The following TMEM160 variants were observed in gnomAD, a reference collection of about 807,000 sequenced individuals.
TMEM160 encodes transmembrane protein 160.
Under a neutral mutation model 13.9 loss-of-function variants are expected in TMEM160, and 10 were observed. That is an observed-to-expected ratio of 0.72 (90% confidence interval 0.45 to 1.22). The LOEUF is 1.22. TMEM160 is among the 50% of genes most tolerant of loss of function. TMEM160 has a pLI of 0.00. For missense variants in TMEM160, 287 were observed against 283.2 expected, an observed-to-expected ratio of 1.01 and a Z score of -0.10; for synonymous variants, 159 against 134.8, an observed-to-expected ratio of 1.18 and a Z score of -1.25.
intron 1 of TMEM160, chr19:47,047,880 C>G (rs768795472): frequency 7.1e-6 from 7 of 984,534 alleles, no homozygotes; most frequent in Non-Finnish European, 8.4e-6. Flanking sequence ...ACAAACATGG[C>G]CAGTCCGCTC....
chr19:47,045,942 C>G lies in TMEM160; in HGVS notation c.*45G>C. 3 of 1,494,432 alleles carry G rather than the reference C, an allele frequency of 2.0e-6. No homozygotes were observed. Among genetic ancestry groups the G allele is most frequent in the Admixed American group, 2.2e-5 (1 of 44,524 alleles). 92.6% of individuals were successfully genotyped at this position (1,494,432 alleles called of 1,614,324 possible). On this transcript the variant is annotated 3_prime_UTR_variant, in exon 3 of 3. Transcript: ENST00000253047. Reference sequence around the variant, plus strand: ...GGGAGGTCAGGTTTAATGTCCCAGTCCTCGGGCGCTGTCCAGCGCCTGCCA... The same window carrying G: ...GGGAGGTCAGGTTTAATGTCCCAGTGCTCGGGCGCTGTCCAGCGCCTGCCA...
rs1478411654 is a variant in TMEM160 at position 47,048,511 on chromosome 19, C to T, written c.104G>A (p.Gly35Glu). The T allele has an allele frequency of 3.4e-6, 5 of 1,465,968 alleles. No homozygotes were observed. The highest frequency in any genetic ancestry group is 1.3e-5 in the South Asian group (1 of 76,654). 90.8% of individuals were successfully genotyped at this position (1,465,968 alleles called of 1,614,324 possible). The change falls in exon 1 of 3, where the codon GGG (glycine) becomes GAG (glutamate). Residue 35 changes from glycine to glutamate, a missense_variant. Coordinates refer to ENST00000253047, the MANE Select transcript of TMEM160 (RefSeq NM_017854.2). ...PQRPRSGGARGSFAPGHGPRA... is the reference protein window; with the variant it reads ...PQRPRSGGARESFAPGHGPRA... ...GGGACCGTGGCCGGGGGCGAAGGAC[C>T]CCCGGGCGCCCCCGCTCCGGGGCCG...
chr19:47,046,572 A>G (rs2057081209), intron 2 of TMEM160, 21 bp downstream of exon 2: 2 of 1,596,404 alleles, frequency 1.3e-6, no homozygotes, highest in Admixed American at 3.3e-5. Context: ...CCGTGGGGCG[A>G]GAGGGGGGGT....
intron 2 of TMEM160, 97 bp from the exon 3 acceptor site, chr19:47,046,349 CAGGGGCT>C (rs2057079804): frequency 7.2e-7 from 1 of 1,393,964 alleles, no homozygotes; most frequent in Non-Finnish European, 9.5e-7. Context: ...AGGGCCGTGC[CAGGGGCT>C]AGCCTGCATC....
At chr19:47,046,336 G>A in intron 2 of TMEM160, 84 bp from the exon 3 acceptor site, 1 of 1,452,018 alleles carries the variant, frequency 6.9e-7, no homozygotes. Context: ...CAGGAACAGA[G>A]GCAGGGCCGT....
intron 1 of TMEM160, among the ~76,000 whole-genome samples, chr19:47,047,047 T>C (rs990004258): frequency 1.3e-5 from 2 of 152,050 alleles, no homozygotes; most frequent in Admixed American, 6.5e-5. Flanking sequence ...CTGTCTCTAC[T>C]AAAAATGTTA....
intron 1 of TMEM160, chr19:47,047,262 G>A (rs755772394): frequency 2.0e-6 from 2 of 985,234 alleles, no homozygotes; most frequent in Admixed American, 6.1e-5. Flanking sequence ...GGACAATCTA[G>A]GGGCAAAGTT....
Position 47,048,566 on chromosome 19 carries a change from G to A in TMEM160, c.49C>T (p.Arg17Cys), listed in dbSNP as rs774761970. ...GGCGGCAGTAGCGACCTCCGGAAGCGAAGACGGGCAAGGCGAGCGGCCCGA... is the reference window on the plus strand; with the variant it reads ...GGCGGCAGTAGCGACCTCCGGAAGCAAAGACGGGCAAGGCGAGCGGCCCGA... ...WARAARLARL[R>C]FRRSLLPPQR... Residue 17 changes from arginine (R) to cysteine (C), a missense_variant, in exon 1 of 3, where the codon CGC (arginine) becomes TGC (cysteine). Coordinates refer to ENST00000253047, the MANE Select transcript of TMEM160 (RefSeq NM_017854.2). The A allele has an allele frequency of 1.9e-5, 29 of 1,517,686 alleles. No homozygotes were observed. Among genetic ancestry groups the A allele is most frequent in the African/African-American group, 2.9e-5 (2 of 69,892 alleles). The allele number at this position is 1,517,686 out of a possible 1,614,324, so 94.0% of individuals were successfully genotyped here. A position where few individuals can be genotyped will look rare whatever the true frequency, so the allele number is the denominator to read the frequency against.
At chr19:47,047,908 C>T (rs1332051562) in intron 1 of TMEM160, 2 of 985,146 alleles carry the variant, frequency 2.0e-6, no homozygotes, top group East Asian at 2.3e-4. Context: ...GACCTCGCCT[C>T]CGTCACAAGC....
chr19:47,046,202 C>A lies in TMEM160; in HGVS notation c.352G>T (p.Ala118Ser). Residue 118 changes from alanine to serine, a missense_variant, in exon 3 of 3, where the codon GCC becomes TCC. Ala to Ser is a moderately conservative substitution (Grantham distance 99). Transcript: ENST00000253047. ...CCTCGCAGCGCCGCCAGGCCCACGG[C>A]GTACGAGGCGCTGCCCCACACCACG... ...LCVVWGSASYAVGLAALRGPM... is the reference protein window; with the variant it reads ...LCVVWGSASYSVGLAALRGPM... 6.5e-7 allele frequency: 1 copy of A among 1,529,396 alleles called. No homozygotes were observed. The highest frequency in any genetic ancestry group is 8.7e-7 in the Non-Finnish European group (1 of 1,144,568). 94.7% of individuals were successfully genotyped at this position (1,529,396 alleles called of 1,614,324 possible).
At chr19:47,047,657 C>G (rs1430534680) in intron 1 of TMEM160, 1 of 873,024 alleles carries the variant, frequency 1.1e-6, no homozygotes, top group Non-Finnish European at 1.4e-6. Context: ...TCAGACCAGC[C>G]TGGGCAACAA....
rs775546307 is a variant in TMEM160, at chr19:47,046,324, G to A, written c.302-72C>T. 1.5e-5 allele frequency: 22 copies of A among 1,477,728 alleles called. No homozygotes were observed. In the African/African-American group the frequency reaches 2.3e-4, roughly 15 times the overall value. The allele number at this position is 1,477,728 out of a possible 1,614,324, so 91.5% of individuals were successfully genotyped here. ...CTGGGAGCAAAGCCAGGGTTGAGGA[G>A]ACAGGAACAGAGGCAGGGCCGTGCC... On this transcript the variant is annotated intron_variant, in intron 2 of 2. Coordinates refer to ENST00000253047, the MANE Select transcript of TMEM160 (RefSeq NM_017854.2).
At position 47,045,959 on chromosome 19, in the gene TMEM160, C is replaced by G; in HGVS notation, c.*28G>C. 6.6e-7 allele frequency: 1 copy of G among 1,521,796 alleles called. No individual in the cohort carries two copies. Among genetic ancestry groups the G allele is most frequent in the Non-Finnish European group, 8.8e-7 (1 of 1,142,016 alleles). 94.3% of individuals were successfully genotyped at this position (1,521,796 alleles called of 1,614,324 possible). On this transcript the variant is annotated 3_prime_UTR_variant, in exon 3 of 3. Transcript: ENST00000253047. ...GTCCCAGTCCTCGGGCGCTGTCCAG[C>G]GCCTGCCAGGCCCCACGGCCGTGTC...
Position 47,046,575 on chromosome 19 carries a change from G to C in TMEM160, c.301+18C>G, listed in dbSNP as rs779428828. ...CATTCCCTGGTTCCGTGGGGCGAGAGGGGGGGTCTGCACTCACCATATGCT... is the reference window on the plus strand; with the variant it reads ...CATTCCCTGGTTCCGTGGGGCGAGACGGGGGGTCTGCACTCACCATATGCT... On this transcript the variant is annotated intron_variant, in intron 2 of 2. Coordinates refer to ENST00000253047, the MANE Select transcript of TMEM160 (RefSeq NM_017854.2). 1.3e-6 allele frequency: 2 copies of C among 1,591,878 alleles called. No homozygotes were observed.
chr19:47,046,788 T>C (rs2122578578), intron 1 of TMEM160, 103 bp from the exon 2 acceptor site: 2 of 852,384 alleles, frequency 2.3e-6, no homozygotes, highest in Non-Finnish European at 1.9e-6. Flanking sequence ...GCTCACCCCA[T>C]CCCATCCAGC....
At position 47,046,573 on chromosome 19, in the gene TMEM160, G is replaced by T; in HGVS notation, c.301+20C>A. 1 of 1,600,760 alleles carries T rather than the reference G, an allele frequency of 6.2e-7. No homozygotes were observed. Reference sequence around the variant, plus strand: ...TGCATTCCCTGGTTCCGTGGGGCGAGAGGGGGGGTCTGCACTCACCATATG... The same window carrying T: ...TGCATTCCCTGGTTCCGTGGGGCGATAGGGGGGGTCTGCACTCACCATATG... On this transcript the variant is annotated intron_variant, in intron 2 of 2. Coordinates refer to ENST00000253047, the MANE Select transcript of TMEM160 (RefSeq NM_017854.2).
chr19:47,046,279 G>A (rs767479619), intron 2 of TMEM160, 27 bp from the exon 3 acceptor site: 12 of 1,519,000 alleles, frequency 7.9e-6, no homozygotes, highest in African/African-American at 1.4e-5. Context: ...GTAGCAACAG[G>A]GCCAAGGTCG....
chr19:47,046,433 AGT>A (rs2057080386), intron 2 of TMEM160, among the ~76,000 whole-genome samples, 158 bp downstream of exon 2: 1 of 151,878 alleles, frequency 6.6e-6, no homozygotes, highest in African/African-American at 2.4e-5. Context: ...AGATGGACCT[AGT>A]GCCTATGGGA....
Position 47,046,104 on chromosome 19 carries a change from C to T in TMEM160, c.450G>A (p.Ala150=), listed in dbSNP as rs376024833. ...GCCCCATGTAGAGGCCCACGGCGCA[C>T]GCCCAGAGCAGGCTGGCGGCCAGCA... ...GAVLAASLLW[A]CAVGLYMGQL... The change falls in exon 3 of 3, where the codon GCG becomes GCA. Residue 150 remains alanine (A), a synonymous_variant. Transcript: ENST00000253047. The T allele has an allele frequency of 1.9e-4, 287 of 1,527,324 alleles. 1 individual carries two copies. In the African/African-American group the frequency reaches 3.6e-3, roughly 19 times the overall value. 94.6% of individuals were successfully genotyped at this position (1,527,324 alleles called of 1,614,324 possible).
Sources: gnomAD v4.1 joint callset for allele counts (sites outside exome capture counted in the v4.1 genomes callset) on GRCh38, gnomAD v4.1.1 for gene constraint, MANE v1.5 for transcripts, NCBI Gene and HGNC (gene_info 2026-07-23, HGNC 2026-07-21) for gene names.